The following TF variants were observed in gnomAD, a reference collection of about 807,000 sequenced individuals.
The protein encoded by TF is serotransferrin.
A neutral mutation model predicts 82.4 loss-of-function variants in TF; 55 were observed. The ratio of observed to expected loss-of-function variants is 0.67; its 90% CI spans 0.54 to 0.84. The LOEUF (loss-of-function observed/expected upper bound fraction) is 0.84. Among genes scored for constraint, TF ranks in the 40% least tolerant of loss-of-function variants. TF has a pLI of 0.00. For synonymous variants in TF, 332 were observed against 332.6 expected, an observed-to-expected ratio of 1.00 and a Z score of 0.02; for missense variants, 737 against 868.4, an observed-to-expected ratio of 0.85 and a Z score of 1.90.
At chr3:133,751,593 T>C (rs935249153) in intron 2 of TF, among the ~76,000 whole-genome samples, 1 of 152,120 alleles carries the variant, frequency 6.6e-6, no homozygotes, top group East Asian at 1.9e-4. Context: ...TAGGAGGTAA[T>C]TGTTTAATGT....
At chr3:133,742,594 A>G (rs1933414175), upstream of TF, among the ~76,000 whole-genome samples, 1 of 152,180 alleles carries the variant, frequency 6.6e-6, no homozygotes, top group African/African-American at 2.4e-5. Context: ...GCGGGCTTGC[A>G]GGGTGACTGA....
At chr3:133,764,754 G>A (rs968094984) in intron 10 of TF, 121 bp from the exon 11 acceptor site, 1 of 929,338 alleles carries the variant, frequency 1.1e-6, no homozygotes, top group Admixed American at 2.0e-5. Context: ...GGGAATTGAT[G>A]ACATGTATAG....
chr3:133,744,663 C>T (rs78687978), upstream of TF, among the ~76,000 whole-genome samples: 36 of 152,330 alleles, frequency 2.4e-4, no homozygotes, highest in East Asian at 4.6e-3. Context: ...CACTCTCCCT[C>T]GCTGGTGAGG....
the TF span, among the ~76,000 whole-genome samples, chr3:133,725,348 G>A: frequency 6.6e-6 from 1 of 152,246 alleles, no homozygotes; most frequent in East Asian, 1.9e-4. Context: ...GTGGTTTGTA[G>A]TTCTCCTTGG....
chr3:133,752,478 T>C (rs1325839780), intron 2 of TF, among the ~76,000 whole-genome samples: 1 of 152,120 alleles, frequency 6.6e-6, no homozygotes, highest in East Asian at 1.9e-4. Flanking sequence ...ATTAAAGACA[T>C]TTAAAACAAA....
At chr3:133,740,644 C>A in the TF span, among the ~76,000 whole-genome samples, 1 of 151,962 alleles carries the variant, frequency 6.6e-6, no homozygotes, top group African/African-American at 2.4e-5. Context: ...TTTGCATTTT[C>A]TTTTACAAAC....
chr3:133,673,942 G>C, the TF span, among the ~76,000 whole-genome samples: 20 of 152,260 alleles, frequency 1.3e-4, no homozygotes, highest in Admixed American at 9.2e-4. Flanking sequence ...CGCCCTCTCT[G>C]GGTTCAGCGC....
At chr3:133,734,860 C>G in the TF span, among the ~76,000 whole-genome samples, 1 of 150,726 alleles carries the variant, frequency 6.6e-6, no homozygotes, top group Non-Finnish European at 1.5e-5. Context: ...ACAGACCAGC[C>G]AAATCCAGAA....
the TF span, among the ~76,000 whole-genome samples, chr3:133,711,858 T>G: frequency 1.3e-5 from 2 of 152,014 alleles, no homozygotes; most frequent in Non-Finnish European, 2.9e-5. Context: ...CCCACTGCAC[T>G]CACCGTCATT....
At position 133,790,094 on chromosome 3, in the gene TF, T is replaced by C. The variant is rs1345673104; in HGVS notation, c.*11474T>C. On this transcript the variant is annotated 3_prime_UTR_variant, in exon 17 of 17. Transcript: ENST00000402696. ...TTTCGGTTTACAGAGGTAATCTAGA[T>C]AAACTGTTAAAAGTGAAACAATTGA... 1 of 152,180 alleles carries C rather than the reference T, an allele frequency of 6.6e-6. No homozygotes were observed. The highest frequency in any genetic ancestry group is 1.5e-5 in the Non-Finnish European group (1 of 68,026). The allele number at this position is 152,180 out of a possible 1,614,324, so 9.4% of individuals were successfully genotyped here.
At chr3:133,694,774 C>T in the TF span, among the ~76,000 whole-genome samples, 1 of 152,230 alleles carries the variant, frequency 6.6e-6, no homozygotes, top group Non-Finnish European at 1.5e-5. Flanking sequence ...ACACTCCATG[C>T]TCCATAAGAG....
the TF span, among the ~76,000 whole-genome samples, chr3:133,684,151 C>G: frequency 2.6e-5 from 4 of 152,188 alleles, no homozygotes; most frequent in East Asian, 7.7e-4. Context: ...TCTTTGAAAC[C>G]AATGAGAACA....
the TF span, among the ~76,000 whole-genome samples, chr3:133,686,396 T>G: frequency 6.6e-6 from 1 of 152,104 alleles, no homozygotes; most frequent in South Asian, 2.1e-4. Context: ...GAAACTACCA[T>G]CAGAGTGAAC....
In TF at chr3:133,770,478, T is replaced by C. The variant is rs753940079; in HGVS notation, c.1623-30T>C. On this transcript the variant is annotated intron_variant, in intron 13 of 16. Transcript: ENST00000402696. Reference sequence around the variant, plus strand: ...AGATAAGTCACTCTGACCGCCTTTTTTTTTCTCTCCCACTTCTGGACCTCT... The same window carrying C: ...AGATAAGTCACTCTGACCGCCTTTTCTTTTCTCTCCCACTTCTGGACCTCT... 6 of 1,613,522 alleles carry C rather than the reference T, an allele frequency of 3.7e-6. No homozygotes were observed. In the South Asian group the frequency reaches 5.5e-5, roughly 15 times the overall value.
At chr3:133,691,625 T>A in the TF span, 1 of 152,790 alleles carries the variant, frequency 6.5e-6, no homozygotes, top group African/African-American at 2.4e-5. Flanking sequence ...GCTTGAGTCA[T>A]GCAAGTGTCT....
At chr3:133,736,672 C>G in the TF span, among the ~76,000 whole-genome samples, 2 of 131,824 alleles carry the variant, frequency 1.5e-5, no homozygotes, top group East Asian at 4.9e-4. Context: ...CAATCTTAGT[C>G]TCTGATAAAA....
chr3:133,696,538 A>G, the TF span, among the ~76,000 whole-genome samples: 2 of 152,196 alleles, frequency 1.3e-5, no homozygotes, highest in Non-Finnish European at 2.9e-5. Context: ...TAAATCTACT[A>G]AACAAATTTT....
chr3:133,775,125 G>A, intron 14 of TF: 1 of 432,920 alleles, frequency 2.3e-6, no homozygotes. Flanking sequence ...AGGTACAGAA[G>A]GAATTGGAAT....
At chr3:133,687,219 T>C in the TF span, among the ~76,000 whole-genome samples, 4 of 152,166 alleles carry the variant, frequency 2.6e-5, no homozygotes, top group East Asian at 7.7e-4. Flanking sequence ...GGGAGAGGGA[T>C]AGCATTAGGA....
Sources: gnomAD v4.1 joint callset for allele counts (sites outside exome capture counted in the v4.1 genomes callset) on GRCh38, gnomAD v4.1.1 for gene constraint, MANE v1.5 for transcripts, NCBI Gene and HGNC (gene_info 2026-07-23, HGNC 2026-07-21) for gene names.